The following ASTN1 variants were observed in gnomAD, a reference collection of about 807,000 sequenced individuals.
The protein encoded by ASTN1 is astrotactin 1, also known as astrotactin-1.
Under a neutral mutation model 140.7 loss-of-function variants are expected in ASTN1, and 41 were observed. The observed-to-expected ratio is 0.29, with a 90% CI of 0.23 to 0.38. The LOEUF (loss-of-function observed/expected upper bound fraction) is 0.38. Among genes scored for constraint, ASTN1 ranks in the 10% least tolerant of loss-of-function variants. The pLI is 1.00. For synonymous variants in ASTN1, 640 were observed against 652.2 expected (o/e 0.98, Z 0.29); for missense variants, 1,479 against 1,678.8 (o/e 0.88, Z 2.08).
intron 1 of ASTN1, among the ~76,000 whole-genome samples, chr1:177,158,305 T>G (rs1304447800): frequency 6.6e-6 from 1 of 152,192 alleles, no homozygotes; most frequent in Non-Finnish European, 1.5e-5. Flanking sequence ...TTTCATATTT[T>G]TAGTAGGAAT....
At chr1:176,928,368 T>C (rs985752681) in intron 16 of ASTN1, among the ~76,000 whole-genome samples, 3 of 152,242 alleles carry the variant, frequency 2.0e-5, no homozygotes, top group Non-Finnish European at 4.4e-5. Context: ...AAATAAACTT[T>C]TGAAATTAAA....
chr1:177,017,275 G>T (rs894409606), intron 7 of ASTN1, among the ~76,000 whole-genome samples: 1 of 152,142 alleles, frequency 6.6e-6, no homozygotes, highest in African/African-American at 2.4e-5. Flanking sequence ...GCAGCCCAAA[G>T]TCCAAGAAAC....
chr1:176,917,920 G>A (rs933140545), intron 16 of ASTN1, among the ~76,000 whole-genome samples: 1 of 152,112 alleles, frequency 6.6e-6, no homozygotes, highest in African/African-American at 2.4e-5. Context: ...AACAGTATAT[G>A]TCAAAAATAC....
At chr1:176,919,043 C>T (rs907291729) in intron 16 of ASTN1, among the ~76,000 whole-genome samples, 2 of 152,210 alleles carry the variant, frequency 1.3e-5, no homozygotes, top group Non-Finnish European at 2.9e-5. Context: ...GGGGCCACTG[C>T]CCCTGTTACC....
chr1:177,071,418 C>T (rs368339117), intron 1 of ASTN1, among the ~76,000 whole-genome samples: 2 of 152,174 alleles, frequency 1.3e-5, no homozygotes, highest in Non-Finnish European at 2.9e-5. Flanking sequence ...AACAGTTATG[C>T]TTTTATCAGT....
Position 176,869,011 on chromosome 1 carries a change from G to C in ASTN1, c.3480C>G (p.Ile1160Met). The change falls in exon 22 of 23, where the codon ATC becomes ATG. Residue 1160 changes from isoleucine (I) to methionine (M), a missense_variant. Ile to Met is a conservative substitution (Grantham distance 10). Around this residue, in one of 3 missense-constraint regions of ASTN1, gnomAD observed 746 missense variants for 800.9 expected, o/e 0.93. Transcript: ENST00000361833. Reference sequence around the variant, plus strand: ...TAGTGTAGCCATTGAAGAGATTGTAGATCTTGTCTGCTATTTCTGAGGAAG... The same window carrying C: ...TAGTGTAGCCATTGAAGAGATTGTACATCTTGTCTGCTATTTCTGAGGAAG... ...DVKAQEIADKIYNLFNGYTSG... is the reference protein window; with the variant it reads ...DVKAQEIADKMYNLFNGYTSG... The C allele has an allele frequency of 6.3e-7, 1 of 1,589,756 alleles. No homozygotes were observed.
intron 1 of ASTN1, among the ~76,000 whole-genome samples, chr1:177,076,802 C>A (rs1334914368): frequency 6.6e-6 from 1 of 152,070 alleles, no homozygotes; most frequent in African/African-American, 2.4e-5. Flanking sequence ...GGATTACAGG[C>A]GTGAGCCACC....
chr1:176,895,321 T>G (rs908441586), intron 16 of ASTN1, among the ~76,000 whole-genome samples: 1 of 152,246 alleles, frequency 6.6e-6, no homozygotes, highest in Non-Finnish European at 1.5e-5. Context: ...TTAGGAAGCC[T>G]GTACTATAAA....
intron 16 of ASTN1, among the ~76,000 whole-genome samples, chr1:176,914,997 CA>C (rs1001134204): frequency 6.6e-6 from 1 of 151,962 alleles, no homozygotes; most frequent in Non-Finnish European, 1.5e-5. Context: ...CACAAATAGA[CA>C]AAAAAATTTT....
chr1:176,882,731 G>T (rs915523316), intron 20 of ASTN1, 128 bp downstream of exon 20: 2 of 1,313,484 alleles, frequency 1.5e-6, no homozygotes, highest in Non-Finnish European at 2.1e-6. Context: ...ATGCCACCTG[G>T]GATAAGACTT....
rs1036738596 is a variant in ASTN1 at position 176,861,685 on chromosome 1, C to T, written c.*2599G>A. The T allele has an allele frequency of 1.3e-5, 13 of 979,304 alleles. No individual in the cohort carries two copies. The highest frequency in any genetic ancestry group is 9.4e-5 in the South Asian group (2 of 21,174). The allele number at this position is 979,304 out of a possible 1,614,324, so 60.7% of individuals were successfully genotyped here. A position where few individuals can be genotyped will look rare whatever the true frequency, so the allele number is the denominator to read the frequency against. On this transcript the variant is annotated 3_prime_UTR_variant, in exon 23 of 23. Transcript: ENST00000361833. ...GAGTTGTGTGCATTGTGTGTGCACA[C>T]GTGTGTGTGTGTGTACATACATACA...
At chr1:177,097,923 G>A (rs1333524527) in intron 1 of ASTN1, among the ~76,000 whole-genome samples, 9 of 152,132 alleles carry the variant, frequency 5.9e-5, no homozygotes, top group African/African-American at 7.2e-5. Flanking sequence ...AAGATAGCAC[G>A]TCTAGTGAGG....
In ASTN1 at chr1:176,868,910, T is replaced by C; in HGVS notation, c.3581A>G (p.His1194Arg). The C allele has an allele frequency of 1.2e-6, 2 of 1,612,092 alleles. No homozygotes were observed. Among genetic ancestry groups the C allele is most frequent in the Non-Finnish European group, 1.7e-6 (2 of 1,178,668 alleles). ...GSPTLHRVLY[H>R]YNQHYESFGE... The stretch of plus-strand genomic sequence containing the variant: ...AAAACTCTCATAGTGCTGGTTATAG[T>C]GGTAGAGGACCCGGTGTAAGGTGGG... The change falls in exon 22 of 23, where the codon CAC (histidine) becomes CGC (arginine). Residue 1194 changes from histidine (H) to arginine (R), a missense_variant. Physicochemically the swap from His to Arg is conservative, Grantham distance 29. This residue lies in a region of ASTN1 where 746 missense variants were observed against 800.9 expected (regional missense o/e 0.93). Coordinates refer to ENST00000361833, the MANE Select transcript of ASTN1 (RefSeq NM_004319.3).
Position 177,152,508 on chromosome 1 carries a change from G to A in ASTN1, c.283+11886C>T, listed in dbSNP as rs557135340. Among the ~76,000 whole-genome samples the A allele has an allele frequency of 9.1e-4, 138 of 151,022 alleles. 1 individual carries two copies. The highest frequency in any genetic ancestry group is 3.3e-3 in the African/African-American group (135 of 41,176). Reference sequence around the variant, plus strand: ...AAATACCTAGAAGTAAATCTAACAAGAAATGTGCAAGAACTTTATGAGAAA... The same window carrying A: ...AAATACCTAGAAGTAAATCTAACAAAAAATGTGCAAGAACTTTATGAGAAA... On this transcript the variant is annotated intron_variant, in intron 1 of 22. Transcript: ENST00000361833.
At chr1:176,939,225 C>A (rs79573670) in intron 14 of ASTN1, among the ~76,000 whole-genome samples, 2,365 of 152,290 alleles carry the variant, frequency 0.016, 59 homozygotes, top group African/African-American at 0.051. Context: ...CTCATCATAC[C>A]TAACTGCGTA....
intron 20 of ASTN1, among the ~76,000 whole-genome samples, chr1:176,881,256 G>A (rs542369000): frequency 6.6e-6 from 1 of 152,226 alleles, no homozygotes. Flanking sequence ...TTCACAGTTC[G>A]CATTTTATAA....
intron 16 of ASTN1, among the ~76,000 whole-genome samples, chr1:176,920,777 T>C (rs927580835): frequency 5.9e-5 from 9 of 152,238 alleles, no homozygotes; most frequent in African/African-American, 2.2e-4. Context: ...CTTCTTTTAT[T>C]AACCACTGCA....
chr1:177,060,487 T>C (rs1359134644), intron 2 of ASTN1, among the ~76,000 whole-genome samples: 1 of 152,136 alleles, frequency 6.6e-6, no homozygotes, highest in Admixed American at 6.5e-5. Context: ...ATAATTCCCA[T>C]CTATGACAAT....
At chr1:177,060,937 CA>C in intron 2 of ASTN1, 140 bp downstream of exon 2, 1 of 900,232 alleles carries the variant, frequency 1.1e-6, no homozygotes, top group Non-Finnish European at 1.5e-6. Flanking sequence ...GCATTTCCCA[CA>C]AATGGGAAAT....
Sources: gnomAD v4.1 joint callset for allele counts (sites outside exome capture counted in the v4.1 genomes callset) on GRCh38, gnomAD v4.1.1 for gene constraint, gnomAD v4.1.1 regional missense constraint, MANE v1.5 for transcripts, NCBI Gene and HGNC (gene_info 2026-07-23, HGNC 2026-07-21) for gene names.